The following SLC44A1 variants were observed in gnomAD, a reference collection of about 807,000 sequenced individuals.
SLC44A1 encodes solute carrier family 44 member 1, also known as choline transporter-like protein 1.
In SLC44A1, 26 loss-of-function variants were observed where a neutral mutation model predicts 79.3. That is an observed-to-expected ratio of 0.33 (90% CI 0.24 to 0.46). The LOEUF (loss-of-function observed/expected upper bound fraction) is 0.46, where lower values mean the gene tolerates loss of function less well. Ranked by LOEUF, SLC44A1 falls within the 20% of genes least tolerant of loss-of-function variation. The pLI, the probability that SLC44A1 is intolerant of heterozygous loss-of-function variation, is 1.00. For missense variants in SLC44A1, 688 were observed against 798.1 expected (o/e 0.86, Z 1.66); for synonymous variants, 263 against 286.2 (o/e 0.92, Z 0.82).
intron 15 of SLC44A1, among the ~76,000 whole-genome samples, chr9:105,413,313 G>A (rs1346392081): frequency 1.3e-5 from 2 of 152,150 alleles, no homozygotes; most frequent in African/African-American, 4.8e-5. Context: ...CTTCCCTGAA[G>A]CTTGAAGTGG....
At chr9:105,375,647 A>G (rs1339762636) in intron 13 of SLC44A1, among the ~76,000 whole-genome samples, 3 of 152,220 alleles carry the variant, frequency 2.0e-5, no homozygotes. Flanking sequence ...TTATTATTAC[A>G]GTATTATATA....
chr9:105,315,444 T>C (rs957946135), intron 3 of SLC44A1, among the ~76,000 whole-genome samples: 2 of 152,146 alleles, frequency 1.3e-5, no homozygotes, highest in East Asian at 1.9e-4. Context: ...AATAGGACTT[T>C]AGTGGCCACT....
intron 3 of SLC44A1, among the ~76,000 whole-genome samples, chr9:105,312,878 G>T (rs897032543): frequency 6.6e-6 from 1 of 152,228 alleles, no homozygotes; most frequent in African/African-American, 2.4e-5. Context: ...ACTGTGATAA[G>T]ATTAAGTTGT....
chr9:105,398,882 A>AT (rs1463536550), downstream of SLC44A1, among the ~76,000 whole-genome samples: 4 of 152,206 alleles, frequency 2.6e-5, no homozygotes, highest in Non-Finnish European at 5.9e-5. Context: ...AAGAGGAAGA[A>AT]TTGTCTTGGG....
intron 5 of SLC44A1, among the ~76,000 whole-genome samples, chr9:105,352,172 T>C (rs1402727796): frequency 2.6e-5 from 4 of 152,206 alleles, no homozygotes; most frequent in Non-Finnish European, 4.4e-5. Context: ...CACCACTCCA[T>C]GTTTAGACTC....
At chr9:105,282,692 G>C (rs924480497) in intron 1 of SLC44A1, among the ~76,000 whole-genome samples, 2 of 152,042 alleles carry the variant, frequency 1.3e-5, no homozygotes, top group African/African-American at 4.8e-5. Flanking sequence ...AGGATTACAG[G>C]CGTGCGCCAC....
intron 2 of SLC44A1, among the ~76,000 whole-genome samples, chr9:105,304,465 A>G (rs1830964316): frequency 6.6e-6 from 1 of 152,140 alleles, no homozygotes; most frequent in Middle Eastern, 3.2e-3. Context: ...CATTTTAACC[A>G]TTTTTAAGTA....
At chr9:105,267,978 A>G (rs1267892214) in intron 1 of SLC44A1, among the ~76,000 whole-genome samples, 1 of 152,084 alleles carries the variant, frequency 6.6e-6, no homozygotes, top group Non-Finnish European at 1.5e-5. Flanking sequence ...CCTGGAAAGG[A>G]TATTAATCTG....
intron 12 of SLC44A1, among the ~76,000 whole-genome samples, chr9:105,373,364 T>C (rs117555942): frequency 0.025 from 3,780 of 152,296 alleles, 50 homozygotes; most frequent in Middle Eastern, 0.051. Flanking sequence ...ATAATACTTT[T>C]TCACATTTCC....
chr9:105,294,255 C>A (rs1181880020), intron 1 of SLC44A1, among the ~76,000 whole-genome samples: 1 of 152,142 alleles, frequency 6.6e-6, no homozygotes, highest in Non-Finnish European at 1.5e-5. Context: ...TTCATTTTAG[C>A]CATTTTTGGA....
In SLC44A1 at chr9:105,397,345, A is replaced by C. The variant is rs959034169; in HGVS notation, c.*8289A>C. 1 of 981,402 alleles carries C rather than the reference A, an allele frequency of 1.0e-6. No individual in the cohort carries two copies. The highest frequency in any genetic ancestry group is 1.2e-6 in the Non-Finnish European group (1 of 826,246). 60.8% of individuals were successfully genotyped at this position (981,402 alleles called of 1,614,324 possible). On this transcript the variant is annotated 3_prime_UTR_variant, in exon 16 of 16. Coordinates refer to ENST00000374720, the MANE Select transcript of SLC44A1 (RefSeq NM_080546.5). ...TAATAAATAAAATTTTATAGGAAAG[A>C]ATGTTATTGTCTACTGTGTTGTAAC...
chr9:105,351,433 C>A (rs538111119), intron 5 of SLC44A1, among the ~76,000 whole-genome samples: 2 of 151,890 alleles, frequency 1.3e-5, no homozygotes, highest in African/African-American at 4.8e-5. Flanking sequence ...ACTCAGAAGG[C>A]TGAGACATGA....
At chr9:105,276,170 C>T (rs991196337) in intron 1 of SLC44A1, among the ~76,000 whole-genome samples, 10 of 152,158 alleles carry the variant, frequency 6.6e-5, no homozygotes, top group African/African-American at 2.2e-4. Flanking sequence ...CCTTTAATTC[C>T]AAGTGTCCTT....
chr9:105,385,866 G>T (rs1828613983), intron 15 of SLC44A1: 4 of 985,340 alleles, frequency 4.1e-6, no homozygotes, highest in Non-Finnish European at 4.8e-6. Context: ...TGAACTGACG[G>T]TTTGATTTTT....
chr9:105,429,460 G>A (rs1829364398), intron 15 of SLC44A1, among the ~76,000 whole-genome samples: 2 of 152,060 alleles, frequency 1.3e-5, no homozygotes, highest in Admixed American at 1.3e-4. Context: ...GTGCCACCGT[G>A]CCTGGCTAAT....
At chr9:105,305,446 C>T (rs1831002112) in intron 2 of SLC44A1, among the ~76,000 whole-genome samples, 1 of 152,098 alleles carries the variant, frequency 6.6e-6, no homozygotes, top group African/African-American at 2.4e-5. Context: ...TCTGCTGGGT[C>T]CCAATAGCCC....
At chr9:105,290,849 T>C (rs1321947265) in intron 1 of SLC44A1, among the ~76,000 whole-genome samples, 3 of 152,342 alleles carry the variant, frequency 2.0e-5, no homozygotes, top group East Asian at 1.9e-4. Flanking sequence ...AGAAAAGCAG[T>C]TGGGCACAGA....
chr9:105,284,024 C>G (rs1830419325), intron 1 of SLC44A1, among the ~76,000 whole-genome samples: 2 of 152,132 alleles, frequency 1.3e-5, no homozygotes, highest in African/African-American at 4.8e-5. Flanking sequence ...AGCACGTCTG[C>G]ATGAGAAGCT....
chr9:105,291,491 A>T (rs1160604920), intron 1 of SLC44A1, among the ~76,000 whole-genome samples: 5 of 152,246 alleles, frequency 3.3e-5, no homozygotes, highest in African/African-American at 1.2e-4. Flanking sequence ...AAACTACAGC[A>T]GAGCTGCTGG....
Sources: gnomAD v4.1 joint callset for allele counts (sites outside exome capture counted in the v4.1 genomes callset) on GRCh38, gnomAD v4.1.1 for gene constraint, MANE v1.5 for transcripts, NCBI Gene and HGNC (gene_info 2026-07-23, HGNC 2026-07-21) for gene names.